Variants in ADRA1B observed in about 807,000 individuals in gnomAD.
The protein encoded by ADRA1B is adrenoceptor alpha 1B.
In ADRA1B, 17 loss-of-function variants were observed where a neutral mutation model predicts 17.9. That is an observed-to-expected ratio of 0.95 (90% CI 0.65 to 1.42). ADRA1B has a LOEUF of 1.42. ADRA1B is among the 40% of genes most tolerant of loss of function. The pLI is 0.00. For missense variants in ADRA1B, 681 were observed against 722.1 expected (o/e 0.94, Z 0.65); for synonymous variants, 366 against 327.6 (o/e 1.12, Z -1.27).
At chr5:159,951,408 C>A in intron 1 of ADRA1B, 1 of 817,318 alleles carries the variant, frequency 1.2e-6, no homozygotes, top group Non-Finnish European at 2.1e-6. Flanking sequence ...TTAATGGCAA[C>A]AATATCCACT....
At chr5:159,887,318 T>G (rs922512618) in intron 1 of ADRA1B, among the ~76,000 whole-genome samples, 1 of 152,136 alleles carries the variant, frequency 6.6e-6, no homozygotes, top group South Asian at 2.1e-4. Context: ...ACATGTGGAG[T>G]TGGAAAATAT....
intron 1 of ADRA1B, among the ~76,000 whole-genome samples, chr5:159,943,941 A>C (rs113055673): frequency 5.0e-4 from 61 of 121,876 alleles, no homozygotes; most frequent in African/African-American, 1.0e-3. Context: ...CACACACACA[A>C]ACACACACAC....
intron 1 of ADRA1B, among the ~76,000 whole-genome samples, chr5:159,890,911 G>A (rs993380083): frequency 6.6e-6 from 1 of 152,148 alleles, no homozygotes; most frequent in Non-Finnish European, 1.5e-5. Flanking sequence ...GGCTATCTTG[G>A]GGAAATATTT....
upstream of ADRA1B, among the ~76,000 whole-genome samples, chr5:159,915,212 G>C (rs537512165): frequency 6.6e-6 from 1 of 152,192 alleles, no homozygotes; most frequent in Non-Finnish European, 1.5e-5. Context: ...CCCAACTTTG[G>C]GAGAGACCCC....
intron 1 of ADRA1B, among the ~76,000 whole-genome samples, chr5:159,958,890 T>C (rs1755615101): frequency 6.6e-6 from 1 of 152,244 alleles, no homozygotes; most frequent in African/African-American, 2.4e-5. Flanking sequence ...GGTCAAAGCA[T>C]GGAACAAATT....
the ADRA1B span, among the ~76,000 whole-genome samples, chr5:159,983,834 T>C: frequency 6.6e-6 from 1 of 152,106 alleles, no homozygotes; most frequent in Non-Finnish European, 1.5e-5. Flanking sequence ...GTTACCAAAC[T>C]ACTCTGGTAT....
intron 1 of ADRA1B, among the ~76,000 whole-genome samples, chr5:159,922,457 G>C (rs1391536956): frequency 6.6e-6 from 1 of 152,130 alleles, no homozygotes; most frequent in South Asian, 2.1e-4. Flanking sequence ...TGTTTTCATA[G>C]CACATGTACT....
chr5:159,882,321 T>A (rs1250798095), intron 1 of ADRA1B, among the ~76,000 whole-genome samples: 1 of 152,138 alleles, frequency 6.6e-6, no homozygotes, highest in African/African-American at 2.4e-5. Flanking sequence ...TGTACAGGAA[T>A]CCTTCCTGAG....
chr5:159,909,733 A>G (rs2113132489), intron 1 of ADRA1B, among the ~76,000 whole-genome samples: 1 of 152,364 alleles, frequency 6.6e-6, no homozygotes, highest in Middle Eastern at 3.4e-3. Context: ...ATGGTGAAAC[A>G]CTTAATTAGT....
chr5:159,896,949 A>G (rs1201340610), intron 1 of ADRA1B, among the ~76,000 whole-genome samples: 1 of 152,210 alleles, frequency 6.6e-6, no homozygotes, highest in East Asian at 1.9e-4. Flanking sequence ...CAGGTCTCAA[A>G]TAATTATTCA....
At chr5:159,951,440 C>A in intron 1 of ADRA1B, 1 of 754,190 alleles carries the variant, frequency 1.3e-6, no homozygotes, top group South Asian at 1.4e-5. Context: ...AAAAGCTGCC[C>A]TGGTGAGCAG....
upstream of ADRA1B, among the ~76,000 whole-genome samples, chr5:159,915,039 A>G (rs1378716713): frequency 6.6e-6 from 1 of 152,240 alleles, no homozygotes; most frequent in Non-Finnish European, 1.5e-5. Context: ...AAAGAAACTG[A>G]GTAAATGCAT....
chr5:159,985,847 G>A, the ADRA1B span, among the ~76,000 whole-genome samples: 2 of 152,220 alleles, frequency 1.3e-5, no homozygotes, highest in Non-Finnish European at 2.9e-5. Flanking sequence ...ACAAGGCACT[G>A]TGGGACCTGA....
chr5:159,943,858 G>C (rs1477476097), intron 1 of ADRA1B, among the ~76,000 whole-genome samples: 2 of 151,164 alleles, frequency 1.3e-5, no homozygotes, highest in Non-Finnish European at 2.9e-5. Flanking sequence ...TGTTACCTGG[G>C]TGACTGACTG....
intron 1 of ADRA1B, among the ~76,000 whole-genome samples, chr5:159,958,909 C>T (rs1366847552): frequency 2.6e-5 from 4 of 152,224 alleles, no homozygotes; most frequent in Non-Finnish European, 5.9e-5. Context: ...TTCAGTCTGG[C>T]ATCAAAGATG....
intron 1 of ADRA1B, among the ~76,000 whole-genome samples, chr5:159,886,033 C>G (rs1162796789): frequency 6.6e-6 from 1 of 152,166 alleles, no homozygotes; most frequent in East Asian, 1.9e-4. Flanking sequence ...AATCTCCATG[C>G]TATGCAATCC....
At chr5:159,913,156 A>G (rs1295823340), upstream of ADRA1B, among the ~76,000 whole-genome samples, 2 of 152,218 alleles carry the variant, frequency 1.3e-5, no homozygotes, top group African/African-American at 2.4e-5. Context: ...GTTCTGCAAC[A>G]TCAGAGGTTT....
At chr5:159,949,757 G>A (rs565442325) in intron 1 of ADRA1B, among the ~76,000 whole-genome samples, 16 of 152,332 alleles carry the variant, frequency 1.1e-4, no homozygotes, top group African/African-American at 3.8e-4. Context: ...AGATCTCAGA[G>A]CAGATGGACC....
intron 1 of ADRA1B, among the ~76,000 whole-genome samples, chr5:159,874,152 C>T (rs1037108784): frequency 6.6e-6 from 1 of 152,068 alleles, no homozygotes; most frequent in African/African-American, 2.4e-5. Flanking sequence ...TCCCAGGATG[C>T]TTGGAGAAGT....
Sources: gnomAD v4.1 joint callset for allele counts (sites outside exome capture counted in the v4.1 genomes callset) on GRCh38, gnomAD v4.1.1 for gene constraint, MANE v1.5 for transcripts, NCBI Gene and HGNC (gene_info 2026-07-23, HGNC 2026-07-21) for gene names.